Variants in RAD51D observed in about 807,000 individuals in gnomAD.
RAD51D encodes DNA repair protein RAD51 homolog 4.
A neutral mutation model predicts 44.1 loss-of-function variants in RAD51D; 38 were observed. The observed-to-expected ratio is 0.86, with a 90% CI of 0.67 to 1.13. The LOEUF (loss-of-function observed/expected upper bound fraction) is 1.13, where lower values mean the gene tolerates loss of function less well. Among genes scored for constraint, RAD51D ranks in the 50% most tolerant of loss-of-function variants. RAD51D has a pLI of 0.00. For missense variants in RAD51D, 390 were observed against 414.0 expected, an observed-to-expected ratio of 0.94 and a Z score of 0.50; for synonymous variants, 141 against 166.6, an observed-to-expected ratio of 0.85 and a Z score of 1.18.
chr17:35,101,454 G>A lies in RAD51D; in HGVS notation c.739-89C>T. On this transcript the variant is annotated intron_variant, in intron 8 of 9. Transcript: ENST00000345365. Reference sequence around the variant, plus strand: ...TCATTTTACGGAGAGGAAAACAGAGGCCTAGCACAGAGAAATAACTTCCCC... The same window carrying A: ...TCATTTTACGGAGAGGAAAACAGAGACCTAGCACAGAGAAATAACTTCCCC... 3 of 1,406,602 alleles carry A rather than the reference G, an allele frequency of 2.1e-6. No homozygotes were observed. The South Asian group carries it at 3.5e-5, about 16-fold the overall frequency. 87.1% of individuals were successfully genotyped at this position (1,406,602 alleles called of 1,614,324 possible). A position where few individuals can be genotyped will look rare whatever the true frequency, so the allele number is the denominator to read the frequency against.
intron 3 of RAD51D, among the ~76,000 whole-genome samples, chr17:35,112,374 C>T (rs752730799): frequency 6.6e-6 from 1 of 152,072 alleles, no homozygotes; most frequent in Non-Finnish European, 1.5e-5. Context: ...CCACGCCCAG[C>T]CATTTTGTTT....
chr17:35,102,570 A>G (rs568163872), intron 8 of RAD51D, among the ~76,000 whole-genome samples: 21 of 150,970 alleles, frequency 1.4e-4, no homozygotes, highest in Non-Finnish European at 3.1e-4. Flanking sequence ...GTCGAGCTGC[A>G]GTGAGCTGTG....
Position 35,106,454 on chromosome 17 carries a change from C to T in RAD51D, c.508G>A (p.Val170Met), listed in dbSNP as rs2091604712. 6.2e-7 allele frequency: 1 copy of T among 1,613,122 alleles called. No homozygotes were observed. The highest frequency in any genetic ancestry group is 8.5e-7 in the Non-Finnish European group (1 of 1,179,614). The change falls in exon 6 of 10, where the codon GTG (valine) becomes ATG (methionine). Residue 170 changes from valine (V) to methionine (M), a missense_variant. By Grantham distance (21) the Val-to-Met change is conservative. Coordinates refer to ENST00000345365, the MANE Select transcript of RAD51D (RefSeq NM_002878.4). ...QAEALRRIQV[V>M]HAFDIFQMLD... ...ATCTGGAAGATGTCAAATGCATGCA[C>T]CACCTGGATCCTCCGGAGAGCTTCT...
At chr17:35,113,144 T>G (rs1397431133) in intron 3 of RAD51D, among the ~76,000 whole-genome samples, 1 of 152,238 alleles carries the variant, frequency 6.6e-6, no homozygotes, top group Non-Finnish European at 1.5e-5. Flanking sequence ...TACCAATGCC[T>G]GATCACATGC....
chr17:35,106,064 C>T (rs2091598922), intron 6 of RAD51D: 4 of 493,830 alleles, frequency 8.1e-6, no homozygotes, highest in Non-Finnish European at 1.6e-5. Context: ...ATTAAATGTC[C>T]TCAAGCTTCA....
intron 3 of RAD51D, among the ~76,000 whole-genome samples, chr17:35,109,267 T>C (rs1182061304): frequency 6.6e-6 from 1 of 152,230 alleles, no homozygotes; most frequent in Non-Finnish European, 1.5e-5. Context: ...AAGTATTCCA[T>C]GGTATGGATG....
Position 35,099,567 on chromosome 17 carries a change from C to G in RAD51D, c.*1386G>C. ...TTCCCCCAGGCTTAGGCTTACCAAC[C>G]CTGTCCTGAATCCAACACCCTGGTG... On this transcript the variant is annotated 3_prime_UTR_variant, in exon 10 of 10. Coordinates refer to ENST00000345365, the MANE Select transcript of RAD51D (RefSeq NM_002878.4). 1 of 333,978 alleles carries G rather than the reference C, an allele frequency of 3.0e-6. No homozygotes were observed. Among genetic ancestry groups the G allele is most frequent in the South Asian group, 2.6e-5 (1 of 38,738 alleles). The allele number at this position is 333,978 out of a possible 1,614,324, so 20.7% of individuals were successfully genotyped here.
In RAD51D at chr17:35,103,927, A is replaced by T. The variant is rs550853848; in HGVS notation, c.577-383T>A. On this transcript the variant is annotated intron_variant, in intron 6 of 9. Transcript: ENST00000345365. This position sits in a 1 kb window ranked among gnomAD's most constrained non-coding sequence, Gnocchi z 4.1. The stretch of plus-strand genomic sequence containing the variant: ...ACCCCGTCTCCACTAAACATACAAA[A>T]ATTAGCTGGGCGTGGTGGTGCACAC... 6.6e-6 allele frequency among the ~76,000 whole-genome samples: 1 copy of T among 152,164 alleles called. No individual in the cohort carries two copies. Among genetic ancestry groups the T allele is most frequent in the South Asian group, 2.1e-4 (1 of 4,814 alleles).
At chr17:35,102,562 CGAGCTGCAGT>C (rs1189965815) in intron 8 of RAD51D, among the ~76,000 whole-genome samples, 1 of 150,428 alleles carries the variant, frequency 6.6e-6, no homozygotes, top group African/African-American at 2.4e-5. Flanking sequence ...CCTGGAAGGT[CGAGCTGCAGT>C]GAGCTGTGAT....
chr17:35,099,940 AG>A lies in RAD51D; in HGVS notation c.*1012del. The A allele has an allele frequency of 1.9e-6, 1 of 525,022 alleles. No homozygotes were observed. The highest frequency in any genetic ancestry group is 1.5e-5 in the South Asian group (1 of 65,096). The allele number at this position is 525,022 out of a possible 1,614,324, so 32.5% of individuals were successfully genotyped here. A position where few individuals can be genotyped will look rare whatever the true frequency, so the allele number is the denominator to read the frequency against. On this transcript the variant is annotated 3_prime_UTR_variant, in exon 10 of 10. Transcript: ENST00000345365. ...GGGCACTAGCTGTGGTACAGCTGGC[AG>A]GAAGAGAGGTGTAATTATATTGCAT... is the stretch of plus-strand genomic sequence containing the variant.
At chr17:35,114,529 A>AT (rs2091715031) in intron 3 of RAD51D, among the ~76,000 whole-genome samples, 1 of 151,410 alleles carries the variant, frequency 6.6e-6, no homozygotes, top group Non-Finnish European at 1.5e-5. Flanking sequence ...AAAAAAAAAA[A>AT]ATTTTTTTTA....
chr17:35,116,180 T>C (rs958577573), intron 3 of RAD51D, among the ~76,000 whole-genome samples: 1 of 152,104 alleles, frequency 6.6e-6, no homozygotes, highest in African/African-American at 2.4e-5. Context: ...CTCTTCAACA[T>C]GTCTCCCACT....
intron 3 of RAD51D, among the ~76,000 whole-genome samples, chr17:35,110,358 T>C (rs1233935552): frequency 2.0e-5 from 3 of 152,210 alleles, no homozygotes; most frequent in African/African-American, 7.2e-5. Flanking sequence ...GTTGAATACA[T>C]GGCTTGTAAC....
chr17:35,100,326 T>A lies in RAD51D; in HGVS notation c.*627A>T. The A allele has an allele frequency of 1.9e-6, 1 of 534,330 alleles. No individual in the cohort carries two copies. The highest frequency in any genetic ancestry group is 1.5e-5 in the South Asian group (1 of 65,172). 33.1% of individuals were successfully genotyped at this position (534,330 alleles called of 1,614,324 possible). A position where few individuals can be genotyped will look rare whatever the true frequency, so the allele number is the denominator to read the frequency against. ...GGAGGAATAAACTGTTCTTTGGGCC[T>A]CACTGGGGGAAACTGAAAAACAGCC... On this transcript the variant is annotated 3_prime_UTR_variant, in exon 10 of 10. Coordinates refer to ENST00000345365, the MANE Select transcript of RAD51D (RefSeq NM_002878.4).
intron 1 of RAD51D, 87 bp downstream of exon 1, chr17:35,119,445 G>T: frequency 7.0e-7 from 1 of 1,424,512 alleles, no homozygotes; most frequent in Non-Finnish European, 9.8e-7. Context: ...CGCCCTGCAG[G>T]TATGCCAGGG....
intron 3 of RAD51D, among the ~76,000 whole-genome samples, chr17:35,110,399 TTC>T (rs2091660778): frequency 6.6e-6 from 1 of 152,200 alleles, no homozygotes; most frequent in African/African-American, 2.4e-5. Flanking sequence ...TCTCTTTTCA[TTC>T]TGTTTTGCAC....
In RAD51D at chr17:35,119,621, G is replaced by A. The variant is rs2091800249; in HGVS notation, c.-8C>T. On this transcript the variant is annotated 5_prime_UTR_variant, in exon 1 of 10. Coordinates refer to ENST00000345365, the MANE Select transcript of RAD51D (RefSeq NM_002878.4). ...GACCCTGAGCACGCCCATGTTCCCC[G>A]CAGGCCGGAACAGCCCCAGGGGGAC... is the stretch of plus-strand genomic sequence containing the variant. The A allele has an allele frequency of 1.2e-6, 2 of 1,610,002 alleles. No homozygotes were observed. The highest frequency in any genetic ancestry group is 1.1e-5 in the South Asian group (1 of 91,090).
intron 6 of RAD51D, among the ~76,000 whole-genome samples, chr17:35,105,791 T>G (rs1457545222): frequency 6.6e-6 from 1 of 152,110 alleles, no homozygotes; most frequent in Non-Finnish European, 1.5e-5. Flanking sequence ...AACCCCATTT[T>G]GGCCAACTAG....
Position 35,119,755 on chromosome 17 carries a change from G to A in RAD51D, c.-142C>T, listed in dbSNP as rs1170436746. ...CTGCCGGAGGAGAAAGGAGAGAGGA[G>A]GAGGCGGCACCAAGGGTAGGGCTGG... On this transcript the variant is annotated 5_prime_UTR_variant, in exon 1 of 10. Transcript: ENST00000345365. 2 of 838,292 alleles carry A rather than the reference G, an allele frequency of 2.4e-6. No individual in the cohort carries two copies. The highest frequency in any genetic ancestry group is 3.9e-6 in the Non-Finnish European group (2 of 508,766). 51.9% of individuals were successfully genotyped at this position (838,292 alleles called of 1,614,324 possible).
Sources: gnomAD v4.1 joint callset for allele counts (sites outside exome capture counted in the v4.1 genomes callset) on GRCh38, gnomAD v4.1.1 for gene constraint, Gnocchi (gnomAD v3.1) non-coding constraint, MANE v1.5 for transcripts, NCBI Gene and HGNC (gene_info 2026-07-23, HGNC 2026-07-21) for gene names.